The following SND1 variants were observed in gnomAD, a reference collection of about 807,000 sequenced individuals.
SND1 encodes the protein staphylococcal nuclease and tudor domain containing 1, also known as staphylococcal nuclease domain-containing protein 1.
SND1 carries 38 observed loss-of-function variants against 121.7 expected under a neutral mutation model. That is an observed-to-expected ratio of 0.31 (90% confidence interval 0.24 to 0.41). SND1 has a LOEUF of 0.41. Among genes scored for constraint, SND1 ranks in the 10% least tolerant of loss-of-function variants. The pLI is 1.00. For missense variants in SND1, 868 were observed against 1,184.6 expected (o/e 0.73, Z 3.92); for synonymous variants, 401 against 447.4 (o/e 0.90, Z 1.31).
At chr7:127,903,315 C>T (rs1256222372) in intron 13 of SND1, among the ~76,000 whole-genome samples, 2 of 152,122 alleles carry the variant, frequency 1.3e-5, no homozygotes, top group African/African-American at 2.4e-5. Context: ...TGAACCACTG[C>T]ACCCGGCCCC....
chr7:127,971,750 A>G (rs1563074785), intron 15 of SND1, among the ~76,000 whole-genome samples: 2 of 152,056 alleles, frequency 1.3e-5, no homozygotes, highest in Non-Finnish European at 2.9e-5. Context: ...ACAAGTCGTA[A>G]GTATACAGCT....
chr7:128,022,625 A>G (rs2116966392), intron 16 of SND1, among the ~76,000 whole-genome samples: 1 of 152,342 alleles, frequency 6.6e-6, no homozygotes, highest in Admixed American at 6.5e-5. Context: ...CACAATTTAT[A>G]TAACACTCTT....
chr7:128,007,292 G>C (rs890358131), intron 16 of SND1, among the ~76,000 whole-genome samples: 5 of 152,144 alleles, frequency 3.3e-5, no homozygotes, highest in African/African-American at 1.2e-4. Flanking sequence ...GGGAAAAGAA[G>C]AATCTACTTC....
chr7:127,660,560 T>C (rs1795291441), intron 1 of SND1, among the ~76,000 whole-genome samples: 1 of 152,106 alleles, frequency 6.6e-6, no homozygotes, highest in African/African-American at 2.4e-5. Flanking sequence ...AGTGTTTCAG[T>C]TTTTGGAATA....
At chr7:127,652,476 C>T (rs760975666) in intron 1 of SND1, 25 bp downstream of exon 1, 6 of 1,543,336 alleles carry the variant, frequency 3.9e-6, no homozygotes, top group Non-Finnish European at 5.3e-6. Context: ...CGGACACCGA[C>T]CCCTCTGCCT....
rs1446377387 is a variant in SND1, at chr7:127,652,211, C to A, written c.-163C>A. 1.5e-6 allele frequency: 1 copy of A among 682,452 alleles called. No homozygotes were observed. Among genetic ancestry groups the A allele is most frequent in the Non-Finnish European group, 2.7e-6 (1 of 372,954 alleles). The allele number at this position is 682,452 out of a possible 1,614,324, so 42.3% of individuals were successfully genotyped here. A position where few individuals can be genotyped will look rare whatever the true frequency, so the allele number is the denominator to read the frequency against. ...GATCGCGTCTCTTTCGCTCCGTGTC[C>A]CGCTGCTGCTCCTGTGAGCGCCCGG... On this transcript the variant is annotated 5_prime_UTR_variant, in exon 1 of 24. Transcript: ENST00000354725.
intron 12 of SND1, chr7:127,858,615 A>C: frequency 3.4e-6 from 1 of 297,360 alleles, no homozygotes; most frequent in South Asian, 6.1e-5. Context: ...TAGGGAACAA[A>C]AACACCACTC....
At chr7:127,859,582 C>T (rs1799342079) in intron 12 of SND1, among the ~76,000 whole-genome samples, 1 of 152,080 alleles carries the variant, frequency 6.6e-6, no homozygotes, top group African/African-American at 2.4e-5. Flanking sequence ...TCATTCTTGG[C>T]CCTTGATTTC....
At chr7:128,032,857 G>A (rs1050682416) in intron 16 of SND1, among the ~76,000 whole-genome samples, 9 of 152,224 alleles carry the variant, frequency 5.9e-5, no homozygotes, top group African/African-American at 1.4e-4. Flanking sequence ...TTTCCTTAAT[G>A]AGGGTTGCGG....
intron 16 of SND1, among the ~76,000 whole-genome samples, chr7:128,000,824 A>G (rs535090511): frequency 2.0e-5 from 3 of 152,204 alleles, no homozygotes; most frequent in Non-Finnish European, 4.4e-5. Flanking sequence ...CTCTTAATGT[A>G]TAATAGCAAG....
At chr7:127,858,291 A>G (rs1799319978) in intron 12 of SND1, 2 of 897,656 alleles carry the variant, frequency 2.2e-6, no homozygotes, top group Non-Finnish European at 3.6e-6. Flanking sequence ...CACTGCGGGG[A>G]ACTGGGTCAC....
chr7:127,897,510 G>A (rs2116751035), intron 13 of SND1, among the ~76,000 whole-genome samples: 1 of 152,198 alleles, frequency 6.6e-6, no homozygotes, highest in Middle Eastern at 3.4e-3. Flanking sequence ...GAATATATGT[G>A]GGTAGTTGGG....
intron 9 of SND1, among the ~76,000 whole-genome samples, chr7:127,719,831 A>G (rs894628948): frequency 3.3e-5 from 5 of 152,132 alleles, no homozygotes; most frequent in African/African-American, 9.7e-5. Context: ...TAAACCTTCT[A>G]TGGACTTACA....
intron 14 of SND1, among the ~76,000 whole-genome samples, chr7:127,909,387 T>G (rs1800409349): frequency 6.6e-6 from 1 of 152,128 alleles, no homozygotes; most frequent in Non-Finnish European, 1.5e-5. Flanking sequence ...TCATGTCACA[T>G]AGCACTTTTT....
chr7:127,793,012 A>G (rs1022929262), intron 10 of SND1, among the ~76,000 whole-genome samples: 1 of 152,242 alleles, frequency 6.6e-6, no homozygotes, highest in African/African-American at 2.4e-5. Flanking sequence ...ATCACCAAGG[A>G]AAAGTTTAGA....
At position 127,687,935 on chromosome 7, in the gene SND1, GCCTCGC is replaced by G. The variant is rs201442366; in HGVS notation, c.228+1177_228+1182del. Among the ~76,000 whole-genome samples the G allele has an allele frequency of 7.9e-3, 1,205 of 152,130 alleles. 17 individuals are homozygous for G. The highest frequency in any genetic ancestry group is 0.027 in the African/African-American group (1,125 of 41,490). The stretch of plus-strand genomic sequence containing the variant: ...GTTCCTGAATTCAAGCAATCTTTCT[GCCTCGC>G]CCTAAAGTACTGGGATTACAGGTGT... On this transcript the variant is annotated intron_variant, in intron 2 of 23. Transcript: ENST00000354725.
chr7:127,674,647 C>T (rs1795585306), intron 1 of SND1, among the ~76,000 whole-genome samples: 1 of 152,228 alleles, frequency 6.6e-6, no homozygotes, highest in South Asian at 2.1e-4. Flanking sequence ...TAGGATTAGT[C>T]ACCCTTAAAA....
chr7:127,685,654 C>T (rs1051861504), intron 1 of SND1, among the ~76,000 whole-genome samples: 2 of 152,214 alleles, frequency 1.3e-5, no homozygotes, highest in African/African-American at 4.8e-5. Context: ...CAAGTGGGTT[C>T]TATGCCTGGC....
intron 21 of SND1, among the ~76,000 whole-genome samples, 172 bp from the exon 22 acceptor site, chr7:128,089,317 G>A (rs1163751841): frequency 1.3e-5 from 2 of 152,174 alleles, no homozygotes; most frequent in African/African-American, 2.4e-5. Flanking sequence ...GCCTCCCAAA[G>A]TGCTGGGATT....
Sources: gnomAD v4.1 joint callset for allele counts (sites outside exome capture counted in the v4.1 genomes callset) on GRCh38, gnomAD v4.1.1 for gene constraint, MANE v1.5 for transcripts, NCBI Gene and HGNC (gene_info 2026-07-23, HGNC 2026-07-21) for gene names.